Variants in NEK4 observed in about 807,000 individuals in gnomAD.
NEK4 encodes serine/threonine-protein kinase Nek4.
Under a neutral mutation model 98.4 loss-of-function variants are expected in NEK4, and 86 were observed. The observed-to-expected ratio is 0.87, with a 90% confidence interval of 0.73 to 1.05. The LOEUF is 1.05. NEK4 is among the 50% of genes least tolerant of loss of function. The pLI is 0.00. For missense variants in NEK4, 898 were observed against 950.3 expected (o/e 0.94, Z 0.72); for synonymous variants, 328 against 342.2 (o/e 0.96, Z 0.46).
intron 5 of NEK4, among the ~76,000 whole-genome samples, chr3:52,761,468 T>G (rs575232803): frequency 6.6e-6 from 1 of 152,196 alleles, no homozygotes; most frequent in African/African-American, 2.4e-5. Context: ...TTTTTTTTAG[T>G]AGAGACGGGG....
rs550860555 is a variant in NEK4, at chr3:52,766,956, G to A, written c.361-581C>T. ...AGCCAAGATTGCGCCACTGCAGTCC[G>A]TAGTCCGGCCTGGGCGACAGAGCGA... On this transcript the variant is annotated intron_variant, in intron 2 of 15. Coordinates refer to ENST00000233027, the MANE Select transcript of NEK4 (RefSeq NM_003157.6). Among the ~76,000 whole-genome samples the A allele has an allele frequency of 6.6e-5, 10 of 151,836 alleles. No individual in the cohort carries two copies. The South Asian group carries it at 2.1e-3, about 32-fold the overall frequency.
chr3:52,761,403 C>T (rs905580549), intron 5 of NEK4, among the ~76,000 whole-genome samples: 3 of 152,078 alleles, frequency 2.0e-5, no homozygotes, highest in Admixed American at 1.3e-4. Flanking sequence ...CTCAGCCTCC[C>T]GAGTAGCTGG....
At chr3:52,741,095 G>T (rs1032240012) in intron 13 of NEK4, among the ~76,000 whole-genome samples, 1 of 151,916 alleles carries the variant, frequency 6.6e-6, no homozygotes, top group African/African-American at 2.4e-5. Flanking sequence ...AACTAGCCGG[G>T]CATGGTGGCG....
intron 15 of NEK4, among the ~76,000 whole-genome samples, chr3:52,727,044 A>G (rs2097365282): frequency 2.2e-5 from 3 of 137,558 alleles, no homozygotes; most frequent in African/African-American, 8.2e-5. Flanking sequence ...GCTCAATCTT[A>G]GCTCACCACA....
At chr3:52,729,191 T>A (rs1240085793) in intron 15 of NEK4, among the ~76,000 whole-genome samples, 1 of 152,190 alleles carries the variant, frequency 6.6e-6, no homozygotes, top group Admixed American at 6.5e-5. Context: ...AAAAACTTGC[T>A]GGTTTTAAGG....
At chr3:52,728,175 C>T (rs915196458) in intron 15 of NEK4, among the ~76,000 whole-genome samples, 1 of 152,178 alleles carries the variant, frequency 6.6e-6, no homozygotes, top group Admixed American at 6.5e-5. Context: ...GGGTTCAAGA[C>T]CAGCCTAGGG....
At chr3:52,712,968 G>A (rs779752312) in intron 15 of NEK4, among the ~76,000 whole-genome samples, 7 of 152,096 alleles carry the variant, frequency 4.6e-5, no homozygotes, top group Admixed American at 6.6e-5. Flanking sequence ...TGCAACATTT[G>A]GGCACGAACC....
intron 15 of NEK4, among the ~76,000 whole-genome samples, chr3:52,726,098 A>T (rs2097364226): frequency 6.6e-6 from 1 of 152,206 alleles, no homozygotes; most frequent in Non-Finnish European, 1.5e-5. Flanking sequence ...TCTTTAAATT[A>T]AAAAAAGGTT....
At chr3:52,753,166 T>C (rs1002143005) in intron 6 of NEK4, among the ~76,000 whole-genome samples, 70 of 151,892 alleles carry the variant, frequency 4.6e-4, no homozygotes, top group Admixed American at 3.9e-3. Flanking sequence ...TAGCTGGGCA[T>C]GGTGGCAAGT....
intron 13 of NEK4, among the ~76,000 whole-genome samples, chr3:52,739,931 T>C (rs752729786): frequency 2.0e-5 from 3 of 152,150 alleles, no homozygotes; most frequent in Non-Finnish European, 2.9e-5. Context: ...GAACTCACAA[T>C]CTTGTGGGCC....
At chr3:52,718,938 G>C (rs1346938995) in intron 15 of NEK4, among the ~76,000 whole-genome samples, 1 of 152,126 alleles carries the variant, frequency 6.6e-6, no homozygotes, top group Non-Finnish European at 1.5e-5. Context: ...TGTATTTTTA[G>C]TAGACACAGG....
At chr3:52,742,825 T>G (rs2097388983) in intron 12 of NEK4, among the ~76,000 whole-genome samples, 1 of 152,222 alleles carries the variant, frequency 6.6e-6, no homozygotes, top group Non-Finnish European at 1.5e-5. Flanking sequence ...AGTCTTGCTC[T>G]GTCACCTAGG....
intron 6 of NEK4, chr3:52,753,557 CT>C: frequency 1.9e-6 from 1 of 536,404 alleles, no homozygotes; most frequent in Non-Finnish European, 3.8e-6. Flanking sequence ...TCTACAAGCT[CT>C]ACATGGAAAC....
chr3:52,735,466 T>C (rs944911816), intron 15 of NEK4, among the ~76,000 whole-genome samples: 3 of 152,264 alleles, frequency 2.0e-5, no homozygotes, highest in Non-Finnish European at 4.4e-5. Context: ...TTATAAGTTC[T>C]TGGATAAGCA....
At chr3:52,725,189 A>G (rs1224004799) in intron 15 of NEK4, among the ~76,000 whole-genome samples, 1 of 152,236 alleles carries the variant, frequency 6.6e-6, no homozygotes, top group East Asian at 1.9e-4. Flanking sequence ...TGCATTTTAA[A>G]AACCAATTTT....
chr3:52,754,617 C>T, intron 6 of NEK4: 2 of 874,558 alleles, frequency 2.3e-6, no homozygotes, highest in East Asian at 3.0e-5. Context: ...AATAAGTGTA[C>T]GTGTCGCCGG....
intron 15 of NEK4, among the ~76,000 whole-genome samples, chr3:52,728,653 C>G (rs1170556082): frequency 6.6e-6 from 1 of 152,170 alleles, no homozygotes; most frequent in Non-Finnish European, 1.5e-5. Flanking sequence ...CAAGGGAAGA[C>G]AACCATAAGG....
At chr3:52,724,003 C>T (rs187278631) in intron 15 of NEK4, among the ~76,000 whole-genome samples, 7 of 152,208 alleles carry the variant, frequency 4.6e-5, no homozygotes, top group Admixed American at 1.3e-4. Flanking sequence ...GAGGCCACGG[C>T]GGGTGGATCA....
At chr3:52,740,643 CA>C (rs1186797409) in intron 13 of NEK4, among the ~76,000 whole-genome samples, 8 of 151,514 alleles carry the variant, frequency 5.3e-5, no homozygotes, top group African/African-American at 1.9e-4. Flanking sequence ...ACCAAAAATA[CA>C]AAAATGTAGC....
Sources: allele counts gnomAD v4.1 joint callset (sites outside exome capture counted in the v4.1 genomes callset), GRCh38; gene constraint gnomAD v4.1.1; transcripts MANE v1.5; gene names NCBI Gene and HGNC (gene_info 2026-07-23, HGNC 2026-07-21).